LRP2: variants seen among roughly 807,000 people sequenced by gnomAD.
The protein encoded by LRP2 is low-density lipoprotein receptor-related protein 2.
In LRP2, 172 loss-of-function variants were observed where a neutral mutation model predicts 531.0. That is an observed-to-expected ratio of 0.32 (90% CI 0.29 to 0.37). The LOEUF is 0.37. Ranked by LOEUF, LRP2 falls within the 10% of genes least tolerant of loss-of-function variation. LRP2 has a pLI of 1.00. For synonymous variants in LRP2, 1,992 were observed against 2,027.6 expected (o/e 0.98, Z 0.47); for missense variants, 5,167 against 5,868.3 (o/e 0.88, Z 3.90).
At chr2:169,190,690 G>C (rs1343719183) in intron 48 of LRP2, among the ~76,000 whole-genome samples, 1 of 152,126 alleles carries the variant, frequency 6.6e-6, no homozygotes, top group Non-Finnish European at 1.5e-5. Context: ...ACAGTCCTTG[G>C]CACAAGCAAT....
chr2:169,159,707 G>A (rs932209903), intron 63 of LRP2, among the ~76,000 whole-genome samples: 1 of 152,068 alleles, frequency 6.6e-6, no homozygotes, highest in Middle Eastern at 3.4e-3. Flanking sequence ...GATTAGCAGT[G>A]ATATCCCCTC....
Position 169,182,422 on chromosome 2 carries a change from T to C in LRP2, c.9846-103A>G, listed in dbSNP as rs958267235. 10 of 1,591,708 alleles carry C rather than the reference T, an allele frequency of 6.3e-6. No individual in the cohort carries two copies. In the African/African-American group the frequency reaches 1.2e-4, roughly 19 times the overall value. On this transcript the variant is annotated intron_variant, in intron 50 of 78. Transcript: ENST00000649046. ...CAAGCTACCTGAGAATCACAGACAG[T>C]TGTTAGAAGTCACCTTTCTTCAGGC... is the stretch of plus-strand genomic sequence containing the variant.
intron 14 of LRP2, among the ~76,000 whole-genome samples, chr2:169,274,439 A>G (rs1683499844): frequency 6.6e-6 from 1 of 152,140 alleles, no homozygotes; most frequent in Non-Finnish European, 1.5e-5. Flanking sequence ...AAAAGAAAAA[A>G]TCACGTGGTA....
intron 9 of LRP2, among the ~76,000 whole-genome samples, chr2:169,284,256 C>CTTTTTTTTTTTTTTTTTTTTTTTTTTTT (rs1216987363): frequency 2.0e-4 from 19 of 96,640 alleles, no homozygotes; most frequent in African/African-American, 4.8e-4. Context: ...TCTTTTTTTT[C>CTTTTTTTTTTTTTTTTTTTTTTTTTTTT]TTTTTTTTTT....
intron 1 of LRP2, among the ~76,000 whole-genome samples, chr2:169,321,146 T>C (rs1281852682): frequency 6.6e-6 from 1 of 152,196 alleles, no homozygotes; most frequent in Non-Finnish European, 1.5e-5. Context: ...ACAACACGTA[T>C]CTTGCTTTTT....
intron 13 of LRP2, 117 bp downstream of exon 13, chr2:169,277,628 A>G: frequency 6.5e-6 from 6 of 926,964 alleles, no homozygotes; most frequent in South Asian, 1.4e-5. Flanking sequence ...CATTAAAGCT[A>G]TCATGTCCAC....
At chr2:169,245,050 G>T in intron 21 of LRP2, 118 bp from the exon 22 acceptor site, 1 of 1,083,584 alleles carries the variant, frequency 9.2e-7, no homozygotes, top group Non-Finnish European at 1.4e-6. Flanking sequence ...ATAATAAGGA[G>T]AAATGTTCAT....
chr2:169,274,629 T>C (rs1191388565), intron 14 of LRP2, among the ~76,000 whole-genome samples: 3 of 152,042 alleles, frequency 2.0e-5, no homozygotes, highest in East Asian at 1.9e-4. Flanking sequence ...CTACCGAAAA[T>C]GGACACTTAG....
At chr2:169,178,257 A>G (rs1687288672) in intron 52 of LRP2, among the ~76,000 whole-genome samples, 1 of 152,258 alleles carries the variant, frequency 6.6e-6, no homozygotes, top group South Asian at 2.1e-4. Context: ...AAATAGGAAT[A>G]GTGTCAGGAG....
At chr2:169,147,754 T>A (rs563957285) in intron 68 of LRP2, among the ~76,000 whole-genome samples, 2 of 152,136 alleles carry the variant, frequency 1.3e-5, no homozygotes, top group East Asian at 3.9e-4. Flanking sequence ...GGAACAGGTA[T>A]GTAAGATGAA....
chr2:169,161,819 C>T (rs1686599381), intron 63 of LRP2, among the ~76,000 whole-genome samples: 1 of 152,136 alleles, frequency 6.6e-6, no homozygotes, highest in Admixed American at 6.5e-5. Flanking sequence ...TTCCCAGGTC[C>T]CCTGTGGCGT....
At chr2:169,197,122 A>G in intron 45 of LRP2, 92 bp from the exon 46 acceptor site, 12 of 1,475,018 alleles carry the variant, frequency 8.1e-6, no homozygotes, top group Non-Finnish European at 1.1e-5. Context: ...GAGCTAGATA[A>G]TAGTTACCAA....
chr2:169,162,662 C>A (rs539997041), intron 62 of LRP2, 62 bp from the exon 63 acceptor site: 43 of 1,533,988 alleles, frequency 2.8e-5, no homozygotes, highest in Non-Finnish European at 3.8e-5. Context: ...ATACTTCCTT[C>A]TTTGACAGAG....
intron 1 of LRP2, among the ~76,000 whole-genome samples, chr2:169,349,055 T>G (rs1685773957): frequency 6.6e-6 from 1 of 152,132 alleles, no homozygotes; most frequent in Non-Finnish European, 1.5e-5. Context: ...TATTTAGCCC[T>G]TTTCTGGACA....
In LRP2 at chr2:169,188,170, C is replaced by T. The variant is rs143078432; in HGVS notation, c.9128G>A (p.Arg3043His). The change falls in exon 49 of 79, where the codon CGC (arginine) becomes CAC (histidine). Residue 3043 changes from arginine to histidine, a missense_variant. Around this residue, in one of 6 missense-constraint regions of LRP2, gnomAD observed 1,129 missense variants for 1,362.7 expected, o/e 0.83. Transcript: ENST00000649046. Reference sequence around the variant, plus strand: ...ACAGACGAAGGTTTTACTAATGCAGCGCCCGTTCTGACAGGTAAACTGATT... The same window carrying T: ...ACAGACGAAGGTTTTACTAATGCAGTGCCCGTTCTGACAGGTAAACTGATT... ...QQNQFTCQNGRCISKTFVCDE... is the reference protein window; with the variant it reads ...QQNQFTCQNGHCISKTFVCDE... 8.8e-5 allele frequency: 142 copies of T among 1,614,110 alleles called. 1 individual carries two copies. The highest frequency in any genetic ancestry group is 3.5e-4 in the South Asian group (32 of 91,062).
At chr2:169,299,017 T>G (rs116475415) in intron 4 of LRP2, among the ~76,000 whole-genome samples, 5,468 of 146,614 alleles carry the variant, frequency 0.037, 145 homozygotes, top group Non-Finnish European at 0.054. Context: ...CAATAAAAAG[T>G]TATATAAAAC....
intron 3 of LRP2, among the ~76,000 whole-genome samples, chr2:169,312,665 C>G (rs1684646270): frequency 6.6e-6 from 1 of 152,154 alleles, no homozygotes; most frequent in African/African-American, 2.4e-5. Flanking sequence ...TTTGGTGAAT[C>G]TGACAATTAC....
At position 169,259,062 on chromosome 2, in the gene LRP2, T is replaced by G; in HGVS notation, c.2476A>C (p.Asn826His). Residue 826 changes from asparagine to histidine, a missense_variant, in exon 17 of 79, where the codon AAT becomes CAT. Coordinates refer to ENST00000649046, the MANE Select transcript of LRP2 (RefSeq NM_004525.3). ...TGAACTACCACCGACCGTGGGTTATTTAAATACTGAACTACTGTGCGTCTC... is the reference window on the plus strand; with the variant it reads ...TGAACTACCACCGACCGTGGGTTATGTAAATACTGAACTACTGTGCGTCTC... ...KTRRTVVQYLNNPRSVVVHPF... is the reference protein window; with the variant it reads ...KTRRTVVQYLHNPRSVVVHPF... 6.2e-7 allele frequency: 1 copy of G among 1,613,346 alleles called. No homozygotes were observed. The highest frequency in any genetic ancestry group is 1.1e-5 in the South Asian group (1 of 91,048).
At chr2:169,308,993 A>T (rs900928844) in intron 3 of LRP2, among the ~76,000 whole-genome samples, 2 of 151,918 alleles carry the variant, frequency 1.3e-5, no homozygotes, top group African/African-American at 4.8e-5. Context: ...GCATTTTTTC[A>T]TGTGTCTGTT....
Sources: allele counts gnomAD v4.1 joint callset (sites outside exome capture counted in the v4.1 genomes callset), GRCh38; gene constraint gnomAD v4.1.1; regional missense constraint gnomAD v4.1.1; transcripts MANE v1.5; gene names NCBI Gene and HGNC (gene_info 2026-07-23, HGNC 2026-07-21).